TRIQK: variants seen among roughly 807,000 people sequenced by gnomAD.
TRIQK encodes triple QxxK/R motif-containing protein.
TRIQK carries 10 observed loss-of-function variants against 10.8 expected under a neutral mutation model. The ratio of observed to expected loss-of-function variants is 0.92; its 90% CI spans 0.57 to 1.57. The LOEUF is 1.57. TRIQK is among the 40% of genes most tolerant of loss of function. The pLI, the probability that TRIQK is intolerant of heterozygous loss-of-function variation, is 0.00. For missense variants in TRIQK, 107 were observed against 97.7 expected (o/e 1.09, Z -0.40); for synonymous variants, 33 against 33.7 (o/e 0.98, Z 0.07).
At chr8:92,893,236 T>C (rs1816848633) in intron 3 of TRIQK, among the ~76,000 whole-genome samples, 1 of 152,074 alleles carries the variant, frequency 6.6e-6, no homozygotes, top group African/African-American at 2.4e-5. Context: ...CAAAAGTATC[T>C]TTAAAATTTC....
intron 3 of TRIQK, among the ~76,000 whole-genome samples, chr8:92,913,944 G>A (rs1469516410): frequency 6.6e-6 from 1 of 152,100 alleles, no homozygotes; most frequent in Non-Finnish European, 1.5e-5. Context: ...ACAGGGAAGG[G>A]AACATCACAC....
At chr8:92,925,715 TA>T (rs1402728641) in intron 2 of TRIQK, among the ~76,000 whole-genome samples, 1 of 152,078 alleles carries the variant, frequency 6.6e-6, no homozygotes, top group Non-Finnish European at 1.5e-5. Flanking sequence ...ATGGCTCAAA[TA>T]AAAAATATTT....
chr8:93,017,143 G>C (rs938220843), intron 1 of TRIQK, among the ~76,000 whole-genome samples: 6 of 119,068 alleles, frequency 5.0e-5, no homozygotes, highest in Middle Eastern at 4.9e-3. Flanking sequence ...GAGAGAGAGA[G>C]AGAGAGAGAG....
chr8:92,899,039 C>T lies in TRIQK; in HGVS notation c.62-6965G>A, dbSNP rs558689478. 8.0e-5 allele frequency among the ~76,000 whole-genome samples: 12 copies of T among 149,382 alleles called. No individual in the cohort carries two copies. The South Asian group carries it at 2.5e-3, about 32-fold the overall frequency. On this transcript the variant is annotated intron_variant, in intron 3 of 4. Coordinates refer to ENST00000521988, the MANE Select transcript of TRIQK (RefSeq NM_001171797.2). ...CTGGAGTCTCACTCTGTCATCAGGC[C>T]AGAGTGCAGTGGCACAATCTCGTCT... is the stretch of plus-strand genomic sequence containing the variant.
intron 3 of TRIQK, among the ~76,000 whole-genome samples, chr8:92,905,799 G>A (rs2130376978): frequency 6.6e-6 from 1 of 152,196 alleles, no homozygotes; most frequent in Non-Finnish European, 1.5e-5. Context: ...TAAAAGAAAA[G>A]TGTCAGTCTC....
At chr8:92,908,892 T>G (rs1809421077) in intron 3 of TRIQK, among the ~76,000 whole-genome samples, 2 of 152,026 alleles carry the variant, frequency 1.3e-5, no homozygotes, top group South Asian at 4.1e-4. Context: ...TCCTTCAACA[T>G]TTTTAGAATA....
intron 2 of TRIQK, among the ~76,000 whole-genome samples, chr8:92,940,656 A>C (rs28525268): frequency 0.046 from 6,976 of 152,254 alleles, 256 homozygotes; most frequent in East Asian, 0.15. Context: ...AAAGAGAGAA[A>C]TTGACTCCAA....
chr8:93,012,731 A>G (rs573799542), intron 1 of TRIQK, among the ~76,000 whole-genome samples: 32 of 152,206 alleles, frequency 2.1e-4, no homozygotes, highest in Non-Finnish European at 3.5e-4. Flanking sequence ...TTTTGTCAGC[A>G]GGTTTGTTTT....
At chr8:92,966,822 A>G (rs1222167128), upstream of TRIQK, among the ~76,000 whole-genome samples, 1 of 152,114 alleles carries the variant, frequency 6.6e-6, no homozygotes, top group Non-Finnish European at 1.5e-5. Context: ...GCCTGCAGCC[A>G]TCATTTTTTA....
intron 1 of TRIQK, among the ~76,000 whole-genome samples, chr8:93,002,065 T>A (rs1813216625): frequency 6.6e-6 from 1 of 152,154 alleles, no homozygotes; most frequent in African/African-American, 2.4e-5. Flanking sequence ...TTTAAACTTT[T>A]TTTCAGACAA....
At position 92,886,751 on chromosome 8, in the gene TRIQK, A is replaced by T; in HGVS notation, c.148-16T>A. On this transcript the variant is annotated splice_polypyrimidine_tract_variant and intron_variant, in intron 4 of 4. Coordinates refer to ENST00000521988, the MANE Select transcript of TRIQK (RefSeq NM_001171797.2). ...GGCCAACTTCCTGGGAAGAAAAAAAAAGTAGACTTGAAATTGATGAAAAAA... is the reference window on the plus strand; with the variant it reads ...GGCCAACTTCCTGGGAAGAAAAAAATAGTAGACTTGAAATTGATGAAAAAA... 6 of 1,396,640 alleles carry T rather than the reference A, an allele frequency of 4.3e-6. No individual in the cohort carries two copies. Among genetic ancestry groups the T allele is most frequent in the Non-Finnish European group, 5.9e-6 (6 of 1,022,868 alleles). The allele number at this position is 1,396,640 out of a possible 1,614,324, so 86.5% of individuals were successfully genotyped here.
chr8:92,893,849 C>A (rs201140318), intron 3 of TRIQK, among the ~76,000 whole-genome samples: 1 of 98,770 alleles, frequency 1.0e-5, no homozygotes. Flanking sequence ...GATGCTATGG[C>A]GGGGGGTGGG....
At chr8:93,016,493 T>A (rs1813385006) in intron 1 of TRIQK, among the ~76,000 whole-genome samples, 1 of 152,250 alleles carries the variant, frequency 6.6e-6, no homozygotes, top group Non-Finnish European at 1.5e-5. Context: ...TTACTTTTAC[T>A]TTTAATTTTA....
chr8:92,985,635 A>G (rs1156326961), intron 1 of TRIQK, among the ~76,000 whole-genome samples: 1 of 152,144 alleles, frequency 6.6e-6, no homozygotes, highest in African/African-American at 2.4e-5. Context: ...AAATCCTTCA[A>G]GGTTTCACCA....
chr8:92,936,028 A>AAC (rs1461784782), intron 2 of TRIQK, among the ~76,000 whole-genome samples: 1 of 151,568 alleles, frequency 6.6e-6, no homozygotes, highest in African/African-American at 2.4e-5. Context: ...CCATTCAAGG[A>AAC]ACACATAATC....
At position 92,921,629 on chromosome 8, in the gene TRIQK, A is replaced by G. The variant is rs190857724; in HGVS notation, c.-21-4619T>C. Reference sequence around the variant, plus strand: ...ATGAATGACTGCATGGAGGACAGCTATCCAACCAACTTGTTTTTCTGTTTC... The same window carrying G: ...ATGAATGACTGCATGGAGGACAGCTGTCCAACCAACTTGTTTTTCTGTTTC... On this transcript the variant is annotated intron_variant, in intron 2 of 4. Coordinates refer to ENST00000521988, the MANE Select transcript of TRIQK (RefSeq NM_001171797.2). The G allele has an allele frequency of 4.2e-4, 64 of 152,008 alleles. No homozygotes were observed. In the East Asian group the frequency reaches 0.012, roughly 29 times the overall value. The allele number at this position is 152,008 out of a possible 1,614,324, so 9.4% of individuals were successfully genotyped here. A position where few individuals can be genotyped will look rare whatever the true frequency, so the allele number is the denominator to read the frequency against.
At chr8:92,997,594 T>A (rs1813165476) in intron 1 of TRIQK, among the ~76,000 whole-genome samples, 1 of 152,078 alleles carries the variant, frequency 6.6e-6, no homozygotes, top group Admixed American at 6.5e-5. Context: ...TTTGAAACAT[T>A]GAAGAATATT....
chr8:93,005,472 T>C lies in TRIQK; in HGVS notation c.-181+12137A>G, dbSNP rs532709428. On this transcript the variant is annotated intron_variant, in intron 1 of 4. Transcript: ENST00000520686. The stretch of plus-strand genomic sequence containing the variant: ...TGGGTGGGGACACAGAGCCAAACCA[T>C]ATCAGTGGGACTCATAAGGGTGCAA... Among the ~76,000 whole-genome samples the C allele has an allele frequency of 1.6e-4, 24 of 150,362 alleles. No homozygotes were observed. In the South Asian group the frequency reaches 4.5e-3, roughly 28 times the overall value.
At chr8:92,939,170 G>GT (rs1252050076) in intron 2 of TRIQK, among the ~76,000 whole-genome samples, 2 of 152,136 alleles carry the variant, frequency 1.3e-5, no homozygotes, top group Non-Finnish European at 2.9e-5. Flanking sequence ...TTTTACTTAA[G>GT]TTTTTTCTAG....
Sources: allele counts gnomAD v4.1 joint callset (sites outside exome capture counted in the v4.1 genomes callset), GRCh38; gene constraint gnomAD v4.1.1; transcripts MANE v1.5; gene names NCBI Gene and HGNC (gene_info 2026-07-23, HGNC 2026-07-21).